Variants in GFRA2 observed in about 807,000 individuals in gnomAD.
The protein encoded by GFRA2 is GDNF family receptor alpha 2, also known as GDNF family receptor alpha-2.
GFRA2 carries 17 observed loss-of-function variants against 48.3 expected under a neutral mutation model. The ratio of observed to expected loss-of-function variants is 0.35; its 90% CI spans 0.24 to 0.53. GFRA2 has a LOEUF of 0.53. GFRA2 is among the 20% of genes least tolerant of loss of function. The probability of loss-of-function intolerance (pLI) is 0.93; values close to 1 mark genes in which losing one functional copy is unlikely to be tolerated. For missense variants in GFRA2, 660 were observed against 637.3 expected (o/e 1.04, Z -0.38); for synonymous variants, 305 against 257.2 (o/e 1.19, Z -1.78).
Position 21,777,989 on chromosome 8 carries a change from C to T in GFRA2, c.356-2934G>A, listed in dbSNP as rs1021962549. ...GCCCTCTCTCCATCCTCCCCACTGC[C>T]GCCACGGGCTCTTTGCACCTGCTGT... On this transcript the variant is annotated intron_variant, in intron 2 of 8. Coordinates refer to ENST00000524240, the MANE Select transcript of GFRA2 (RefSeq NM_001495.5). 1.4e-4 allele frequency among the ~76,000 whole-genome samples: 22 copies of T among 152,308 alleles called. 1 individual carries two copies. The South Asian group carries it at 3.9e-3, about 27-fold the overall frequency.
At chr8:21,727,231 T>G (rs1585260928) in intron 4 of GFRA2, among the ~76,000 whole-genome samples, 1 of 152,330 alleles carries the variant, frequency 6.6e-6, no homozygotes, top group East Asian at 1.9e-4. Flanking sequence ...GTGTCCAGAC[T>G]GAGAGGTCAC....
chr8:21,709,535 T>A (rs759295784), intron 4 of GFRA2, among the ~76,000 whole-genome samples: 16 of 152,016 alleles, frequency 1.1e-4, no homozygotes, highest in Non-Finnish European at 2.1e-4. Flanking sequence ...AAGATGGGAA[T>A]GGCAAGCGTG....
chr8:21,714,243 G>GTTTTT (rs1385783305), intron 4 of GFRA2, among the ~76,000 whole-genome samples: 18 of 46,022 alleles, frequency 3.9e-4, no homozygotes, highest in African/African-American at 8.5e-4. Context: ...CTGGTCTGAA[G>GTTTTT]TTCTTTTTTT....
chr8:21,775,541 C>A (rs1806650238), intron 2 of GFRA2, among the ~76,000 whole-genome samples: 2 of 152,176 alleles, frequency 1.3e-5, no homozygotes. Flanking sequence ...CCTGGAAGGG[C>A]CAGAGTTAGA....
intron 1 of GFRA2, among the ~76,000 whole-genome samples, chr8:21,784,486 G>T (rs1481847866): frequency 2.0e-5 from 3 of 152,190 alleles, no homozygotes; most frequent in African/African-American, 7.2e-5. Context: ...CCCCCGGGAG[G>T]CCCTGCTCAG....
intron 8 of GFRA2, 57 bp from the exon 9 acceptor site, chr8:21,693,457 G>C (rs1419598527): frequency 6.6e-7 from 1 of 1,518,542 alleles, no homozygotes; most frequent in African/African-American, 1.4e-5. Flanking sequence ...AAAGAAAACA[G>C]TCAGGAGGCC....
chr8:21,727,728 G>C (rs1803948470), intron 4 of GFRA2, among the ~76,000 whole-genome samples: 1 of 152,168 alleles, frequency 6.6e-6, no homozygotes, highest in Non-Finnish European at 1.5e-5. Flanking sequence ...GCCTCCCTCG[G>C]TATTTGAGGG....
At chr8:21,695,581 T>C (rs1183596494) in intron 7 of GFRA2, among the ~76,000 whole-genome samples, 1 of 152,076 alleles carries the variant, frequency 6.6e-6, no homozygotes, top group Non-Finnish European at 1.5e-5. Context: ...ACAGCGAGAA[T>C]GGAACCAGGA....
At chr8:21,802,379 G>C (rs1807787235) in intron 2 of GFRA2, among the ~76,000 whole-genome samples, 2 of 152,096 alleles carry the variant, frequency 1.3e-5, no homozygotes, top group South Asian at 4.1e-4. Context: ...TTTTGAGAAA[G>C]GGTCTCATTC....
chr8:21,706,162 A>G, intron 4 of GFRA2, 121 bp from the exon 5 acceptor site: 1 of 672,550 alleles, frequency 1.5e-6, no homozygotes, highest in Admixed American at 2.4e-5. Context: ...GAAGCCAGGA[A>G]GAGGGAGGGG....
chr8:21,760,940 A>G (rs1324466182), intron 3 of GFRA2, among the ~76,000 whole-genome samples: 2 of 152,192 alleles, frequency 1.3e-5, no homozygotes, highest in Admixed American at 6.5e-5. Context: ...ACTTAGGGGC[A>G]TAAGGGTGAG....
chr8:21,782,865 G>A lies in GFRA2; in HGVS notation c.75C>T (p.Ser25=). ...ETLRSLASPS[S]LQGPELHGWR... ...AGCCGTGGAGCTCGGGGCCCTGCAG[G>A]GAGGAAGGGCTGGCCAAAGAGCGGA... Residue 25 remains serine, a synonymous_variant, in exon 2 of 9, where the codon TCC becomes TCT. Transcript: ENST00000524240. The A allele has an allele frequency of 1.9e-6, 3 of 1,567,286 alleles. No individual in the cohort carries two copies. Among genetic ancestry groups the A allele is most frequent in the Non-Finnish European group, 2.6e-6 (3 of 1,163,896 alleles).
At chr8:21,768,791 A>G (rs1806303207) in intron 3 of GFRA2, among the ~76,000 whole-genome samples, 1 of 152,104 alleles carries the variant, frequency 6.6e-6, no homozygotes, top group Non-Finnish European at 1.5e-5. Context: ...TCAGGCAGTC[A>G]TCCTGAGCTC....
chr8:21,771,992 C>A (rs1337944682), intron 3 of GFRA2, among the ~76,000 whole-genome samples: 1 of 152,124 alleles, frequency 6.6e-6, no homozygotes, highest in Non-Finnish European at 1.5e-5. Context: ...AGCCAGCGTG[C>A]GACACACAGG....
At chr8:21,733,137 G>A (rs1438429514) in intron 4 of GFRA2, among the ~76,000 whole-genome samples, 3 of 152,154 alleles carry the variant, frequency 2.0e-5, no homozygotes, top group Non-Finnish European at 2.9e-5. Context: ...TGGCCTGCTC[G>A]TTTGTGAGAA....
intron 3 of GFRA2, among the ~76,000 whole-genome samples, chr8:21,768,348 G>A (rs960453025): frequency 2.0e-5 from 3 of 152,136 alleles, no homozygotes; most frequent in South Asian, 2.1e-4. Context: ...GCAGTTTATC[G>A]CCCGAGCCAC....
At chr8:21,793,629 G>A (rs1807617379), upstream of GFRA2, among the ~76,000 whole-genome samples, 1 of 152,132 alleles carries the variant, frequency 6.6e-6, no homozygotes, top group Admixed American at 6.5e-5. Flanking sequence ...AGAGAGGAGA[G>A]GCAAGAGAAG....
At chr8:21,759,543 A>G (rs150921651) in intron 3 of GFRA2, among the ~76,000 whole-genome samples, 2,124 of 147,290 alleles carry the variant, frequency 0.014, 35 homozygotes, top group East Asian at 0.058. Context: ...GGAAGGAAGG[A>G]GGGAAGGAAG....
intron 3 of GFRA2, among the ~76,000 whole-genome samples, chr8:21,773,208 G>A (rs916524879): frequency 2.0e-5 from 3 of 152,216 alleles, no homozygotes; most frequent in Non-Finnish European, 4.4e-5. Flanking sequence ...AAGACTTACC[G>A]TAGAGCTGCC....
Sources: gnomAD v4.1 joint callset for allele counts (sites outside exome capture counted in the v4.1 genomes callset) on GRCh38, gnomAD v4.1.1 for gene constraint, MANE v1.5 for transcripts, NCBI Gene and HGNC (gene_info 2026-07-23, HGNC 2026-07-21) for gene names.